The following KCNQ1 variants were observed in gnomAD, a reference collection of about 807,000 sequenced individuals.
The protein encoded by KCNQ1 is potassium voltage-gated channel subfamily Q member 1.
KCNQ1 carries 49 observed loss-of-function variants against 72.4 expected under a neutral mutation model. That is an observed-to-expected ratio of 0.68 (90% CI 0.54 to 0.86). The LOEUF (loss-of-function observed/expected upper bound fraction) is 0.86. Among genes scored for constraint, KCNQ1 ranks in the 40% least tolerant of loss-of-function variants. The pLI, the probability that KCNQ1 is intolerant of heterozygous loss-of-function variation, is 0.00. For synonymous variants in KCNQ1, 450 were observed against 412.6 expected (o/e 1.09, Z -1.10); for missense variants, 790 against 945.1 (o/e 0.84, Z 2.15).
intron 1 of KCNQ1, among the ~76,000 whole-genome samples, chr11:2,496,522 C>CTTTTTTTTTTTTTTTTTTTTTATT (rs1589912666): frequency 1.5e-5 from 1 of 68,530 alleles, no homozygotes; most frequent in Non-Finnish European, 2.7e-5. Flanking sequence ...TTTTTTTTTG[C>CTTTTTTTTTTTTTTTTTTTTTATT]TTTCCATTGC....
In KCNQ1 at chr11:2,669,790, C is replaced by A. The variant is rs1178672872; in HGVS notation, c.1514+7709C>A. 2.3e-5 allele frequency: 9 copies of A among 398,494 alleles called. No homozygotes were observed. The highest frequency in any genetic ancestry group is 4.4e-6 in the Non-Finnish European group (1 of 226,076). 24.7% of individuals were successfully genotyped at this position (398,494 alleles called of 1,614,324 possible). A position where few individuals can be genotyped will look rare whatever the true frequency, so the allele number is the denominator to read the frequency against. On this transcript the variant is annotated intron_variant, in intron 11 of 15. Coordinates refer to ENST00000155840, the MANE Select transcript of KCNQ1 (RefSeq NM_000218.3). The surrounding 1 kb of genome is among the most constrained non-coding windows in gnomAD (Gnocchi z 5.6). ...TGATGGGAGATCCTGTGGGGACATT[C>A]CTTATTTGGCCTGAGAGCTTTTGAG...
chr11:2,644,114 T>G (rs1849626228), intron 10 of KCNQ1: 5 of 398,478 alleles, frequency 1.3e-5, no homozygotes, highest in Non-Finnish European at 2.2e-5. Context: ...GGTTCTGAGA[T>G]TCCTATATTT....
At chr11:2,831,307 G>A (rs76293930) in intron 15 of KCNQ1, among the ~76,000 whole-genome samples, 2,826 of 152,260 alleles carry the variant, frequency 0.019, 93 homozygotes, top group African/African-American at 0.062. Flanking sequence ...TATGTGGCCC[G>A]GCCTGCCCTA....
At chr11:2,650,802 G>A (rs915207333) in intron 10 of KCNQ1, 1 of 398,464 alleles carries the variant, frequency 2.5e-6, no homozygotes, top group African/African-American at 2.1e-5. Flanking sequence ...TAACAGCATG[G>A]GTCATGTGGT....
In KCNQ1 at chr11:2,663,503, C is replaced by T. The variant is rs1850006893; in HGVS notation, c.1514+1422C>T. 1 of 398,624 alleles carries T rather than the reference C, an allele frequency of 2.5e-6. No homozygotes were observed. Among genetic ancestry groups the T allele is most frequent in the Admixed American group, 4.4e-5 (1 of 22,728 alleles). The allele number at this position is 398,624 out of a possible 1,614,324, so 24.7% of individuals were successfully genotyped here. On this transcript the variant is annotated intron_variant, in intron 11 of 15. Coordinates refer to ENST00000155840, the MANE Select transcript of KCNQ1 (RefSeq NM_000218.3). This position sits in a 1 kb window ranked among gnomAD's most constrained non-coding sequence, Gnocchi z 5.2. ...GTTGTGTGCAATACAGGTGGCAGTG[C>T]CTGTATTGCCTCTTGGCTGTCCCCT... is the stretch of plus-strand genomic sequence containing the variant.
In KCNQ1 at chr11:2,447,758, AGAC is replaced by A. The variant is rs1366784877; in HGVS notation, c.386+2278_386+2280del. 1.3e-5 allele frequency among the ~76,000 whole-genome samples: 2 copies of A among 152,194 alleles called. No individual in the cohort carries two copies. Among genetic ancestry groups the A allele is most frequent in the Non-Finnish European group, 2.9e-5 (2 of 68,014 alleles). On this transcript the variant is annotated intron_variant, in intron 1 of 15. Transcript: ENST00000155840. This position sits in a 1 kb window ranked among gnomAD's most constrained non-coding sequence, Gnocchi z 7.6. ...AGAAATATTGTGGTTTCTGGCCTGA[AGAC>A]GACAAGCCTGGCCTTGAAGAGCCAG... is the stretch of plus-strand genomic sequence containing the variant.
intron 2 of KCNQ1, among the ~76,000 whole-genome samples, chr11:2,548,224 G>A (rs1055513928): frequency 2.0e-5 from 3 of 152,324 alleles, no homozygotes; most frequent in African/African-American, 4.8e-5. Context: ...CTGATTGCAC[G>A]AGTCGTGTGA....
Position 2,547,785 on chromosome 11 carries a change from G to A in KCNQ1, c.477+19767G>A, listed in dbSNP as rs1369400965. Among the ~76,000 whole-genome samples, 1 of 152,200 alleles carries A rather than the reference G, an allele frequency of 6.6e-6. No homozygotes were observed. Among genetic ancestry groups the A allele is most frequent in the Non-Finnish European group, 1.5e-5 (1 of 68,034 alleles). ...ATGGTGAGTGGCATGGAAGGGGAGG[G>A]GCGGCAGTTCTCAGTGGAGCGGCCG... On this transcript the variant is annotated intron_variant, in intron 2 of 15. Coordinates refer to ENST00000155840, the MANE Select transcript of KCNQ1 (RefSeq NM_000218.3). This position sits in a 1 kb window ranked among gnomAD's most constrained non-coding sequence, Gnocchi z 4.2.
At position 2,507,660 on chromosome 11, in the gene KCNQ1, A is replaced by G. The variant is rs953330804; in HGVS notation, c.387-20268A>G. On this transcript the variant is annotated intron_variant, in intron 1 of 15. Coordinates refer to ENST00000155840, the MANE Select transcript of KCNQ1 (RefSeq NM_000218.3). This position sits in a 1 kb window ranked among gnomAD's most constrained non-coding sequence, Gnocchi z 5.4. ...CAGCCAGGTGAGGTGGGTTGAAGGCAGTAAGACCTGCAGGTGGGAGCTCTG... is the reference window on the plus strand; with the variant it reads ...CAGCCAGGTGAGGTGGGTTGAAGGCGGTAAGACCTGCAGGTGGGAGCTCTG... Among the ~76,000 whole-genome samples, 8 of 152,152 alleles carry G rather than the reference A, an allele frequency of 5.3e-5. No homozygotes were observed. The highest frequency in any genetic ancestry group is 2.0e-4 in the Admixed American group (3 of 15,264).
chr11:2,764,570 T>C lies in KCNQ1; in HGVS notation c.1515-4274T>C, dbSNP rs1294264549. 1.3e-5 allele frequency among the ~76,000 whole-genome samples: 2 copies of C among 152,210 alleles called. No homozygotes were observed. The highest frequency in any genetic ancestry group is 2.9e-5 in the Non-Finnish European group (2 of 68,034). ...TTATGCTGCCTTATGAAAATACTTG[T>C]ATAAAATTGACATTATTTTTTCCTT... On this transcript the variant is annotated intron_variant, in intron 11 of 15. Transcript: ENST00000155840. The surrounding 1 kb of genome is among the most constrained non-coding windows in gnomAD (Gnocchi z 4.8).
chr11:2,770,011 C>T (rs991293097), intron 12 of KCNQ1, among the ~76,000 whole-genome samples: 2 of 152,068 alleles, frequency 1.3e-5, no homozygotes, highest in Non-Finnish European at 2.9e-5. Flanking sequence ...GTCAAGAGGT[C>T]GTTGGGTCGG....
At chr11:2,697,605 T>A in intron 11 of KCNQ1, 1 of 398,606 alleles carries the variant, frequency 2.5e-6, no homozygotes, top group Non-Finnish European at 4.4e-6. Flanking sequence ...ATCACATCAT[T>A]TTTTTCTGCC....
At chr11:2,513,775 C>T (rs1589921956) in intron 1 of KCNQ1, among the ~76,000 whole-genome samples, 2 of 152,374 alleles carry the variant, frequency 1.3e-5, no homozygotes, top group East Asian at 3.9e-4. Flanking sequence ...TTGCCATTCT[C>T]TCTGCCTAGA....
At chr11:2,470,565 G>C (rs996298826) in intron 1 of KCNQ1, among the ~76,000 whole-genome samples, 16 of 152,046 alleles carry the variant, frequency 1.1e-4, no homozygotes, top group Non-Finnish European at 2.2e-4. Context: ...TCAGCCCTTT[G>C]GGAAGAAAAC....
At position 2,703,502 on chromosome 11, in the gene KCNQ1, C is replaced by A. The variant is rs182120271; in HGVS notation, c.1514+41421C>A. On this transcript the variant is annotated intron_variant, in intron 11 of 15. Transcript: ENST00000155840. The surrounding 1 kb of genome is among the most constrained non-coding windows in gnomAD (Gnocchi z 6.4). ...GTGCACCCGAGAGCACGCACGCACA[C>A]ACGCACTCACAGCTGAAGAGAATTA... 5.4e-4 allele frequency among the ~76,000 whole-genome samples: 83 copies of A among 152,356 alleles called. No homozygotes were observed. The highest frequency in any genetic ancestry group is 1.0e-3 in the Non-Finnish European group (69 of 68,034).
Position 2,657,275 on chromosome 11 carries a change from A to G in KCNQ1, c.1394-4686A>G, listed in dbSNP as rs185007194. On this transcript the variant is annotated intron_variant, in intron 10 of 15. Transcript: ENST00000155840. The surrounding 1 kb of genome is among the most constrained non-coding windows in gnomAD (Gnocchi z 4.8). ...ACACAGAAGCCTTGAGATTTTTATT[A>G]AGATTTGGAGAGATTTATTCAGATT... The G allele has an allele frequency of 2.5e-6, 1 of 398,612 alleles. No homozygotes were observed. Among genetic ancestry groups the G allele is most frequent in the East Asian group, 3.6e-5 (1 of 28,080 alleles). 24.7% of individuals were successfully genotyped at this position (398,612 alleles called of 1,614,324 possible).
chr11:2,776,110 C>G, intron 13 of KCNQ1, 56 bp downstream of exon 13: 1 of 1,427,916 alleles, frequency 7.0e-7, no homozygotes, highest in Middle Eastern at 2.3e-4. Flanking sequence ...CAGCCCGGCC[C>G]CAGCTGCATG....
chr11:2,517,319 T>A (rs1427919536), intron 1 of KCNQ1, among the ~76,000 whole-genome samples: 1 of 152,108 alleles, frequency 6.6e-6, no homozygotes, highest in East Asian at 1.9e-4. Flanking sequence ...GAGATGCACC[T>A]GATGGACCTC....
chr11:2,756,947 A>T (rs1036308002), intron 11 of KCNQ1, among the ~76,000 whole-genome samples: 2 of 119,700 alleles, frequency 1.7e-5, no homozygotes, highest in Admixed American at 1.9e-4. Flanking sequence ...GATCAAGAGC[A>T]TCTTAAAAAA....
Sources: allele counts gnomAD v4.1 joint callset (sites outside exome capture counted in the v4.1 genomes callset), GRCh38; gene constraint gnomAD v4.1.1; non-coding constraint Gnocchi (gnomAD v3.1); transcripts MANE v1.5; gene names NCBI Gene and HGNC (gene_info 2026-07-23, HGNC 2026-07-21).